Variants in HMMR observed in about 807,000 individuals in gnomAD.
HMMR encodes the protein hyaluronan mediated motility receptor.
A neutral mutation model predicts 101.0 loss-of-function variants in HMMR; 108 were observed. That is an observed-to-expected ratio of 1.07 (90% confidence interval 0.92 to 1.25). The LOEUF (loss-of-function observed/expected upper bound fraction) is 1.25. Ranked by LOEUF, HMMR falls within the 50% of genes most tolerant of loss-of-function variation. HMMR has a pLI of 0.00. For missense variants in HMMR, 813 were observed against 788.7 expected (o/e 1.03, Z -0.37); for synonymous variants, 296 against 276.4 (o/e 1.07, Z -0.70).
In HMMR at chr5:163,473,264, C is replaced by T; in HGVS notation, c.725+11C>T. On this transcript the variant is annotated intron_variant, in intron 8 of 17. Transcript: ENST00000393915. ...CATCGAAGAAATTAGGTAATATGAG[C>T]AGTAGCTTTAAATTGAACCTTATTT... 6.6e-7 allele frequency: 1 copy of T among 1,519,348 alleles called. No homozygotes were observed. Among genetic ancestry groups the T allele is most frequent in the Non-Finnish European group, 9.1e-7 (1 of 1,102,048 alleles). The allele number at this position is 1,519,348 out of a possible 1,614,324, so 94.1% of individuals were successfully genotyped here.
Position 163,470,140 on chromosome 5 carries a change from C to T in HMMR, c.462+311C>T, listed in dbSNP as rs532056708. On this transcript the variant is annotated intron_variant, in intron 5 of 17. Coordinates refer to ENST00000393915, the MANE Select transcript of HMMR (RefSeq NM_001142556.2). ...CTGACATGGCGCCATTGCACTTCAG[C>T]CTAGGCAAGAGAGTGCGACTCCATC... Among the ~76,000 whole-genome samples the T allele has an allele frequency of 2.6e-5, 4 of 152,208 alleles. No homozygotes were observed. In the South Asian group the frequency reaches 6.2e-4, roughly 24 times the overall value.
intron 12 of HMMR, among the ~76,000 whole-genome samples, chr5:163,481,741 T>C (rs1261082302): frequency 1.3e-5 from 2 of 152,154 alleles, no homozygotes; most frequent in African/African-American, 4.8e-5. Context: ...AAAAGAGATC[T>C]TGTGTCTTTC....
chr5:163,485,596 T>C (rs1759452135), intron 16 of HMMR, among the ~76,000 whole-genome samples: 1 of 152,226 alleles, frequency 6.6e-6, no homozygotes, highest in Admixed American at 6.5e-5. Flanking sequence ...TTTGCGAATA[T>C]CTTCTCCCAT....
In HMMR at chr5:163,483,022, T is replaced by C. The variant is rs1421420143; in HGVS notation, c.1535T>C (p.Met512Thr). The C allele has an allele frequency of 6.3e-7, 1 of 1,583,806 alleles. No individual in the cohort carries two copies. Residue 512 changes from methionine (M) to threonine (T), a missense_variant and splice_region_variant, in exon 14 of 18, where the codon ATG becomes ACG. Met to Thr is a moderately conservative substitution (Grantham distance 81). Transcript: ENST00000393915. Reference sequence around the variant, plus strand: ...ACCTCTTCTCTCTCAAACCAAAGGATGCTTCTAGATCTGCAGACCAAGTCA... The same window carrying C: ...ACCTCTTCTCTCTCAAACCAAAGGACGCTTCTAGATCTGCAGACCAAGTCA... ...TESSNQEYVR[M>T]LLDLQTKSAL...
At chr5:163,477,263 A>G (rs560915611) in intron 11 of HMMR, among the ~76,000 whole-genome samples, 2 of 152,346 alleles carry the variant, frequency 1.3e-5, no homozygotes, top group South Asian at 4.1e-4. Flanking sequence ...ATTTATTTAA[A>G]TTAAAAAGTC....
In HMMR at chr5:163,469,984, A is replaced by G. The variant is rs1758830546; in HGVS notation, c.462+155A>G. On this transcript the variant is annotated intron_variant, in intron 5 of 17. Transcript: ENST00000393915. Reference sequence around the variant, plus strand: ...GGAGTTCGAGACCAGCCTGACCAACATGGAGAAACCCTGTCTCTACTAAAA... The same window carrying G: ...GGAGTTCGAGACCAGCCTGACCAACGTGGAGAAACCCTGTCTCTACTAAAA... The G allele has an allele frequency of 7.8e-6, 4 of 511,862 alleles. No individual in the cohort carries two copies. The East Asian group carries it at 1.0e-4, about 13-fold the overall frequency. 31.7% of individuals were successfully genotyped at this position (511,862 alleles called of 1,614,324 possible).
chr5:163,470,527 G>A (rs113049701), intron 5 of HMMR, among the ~76,000 whole-genome samples: 43 of 152,126 alleles, frequency 2.8e-4, no homozygotes, highest in African/African-American at 1.0e-3. Flanking sequence ...GGAGGCTGAG[G>A]CATGAGAATA....
At chr5:163,474,252 A>G (rs1758999039) in intron 10 of HMMR, 47 bp downstream of exon 10, 2 of 1,440,110 alleles carry the variant, frequency 1.4e-6, no homozygotes, top group African/African-American at 1.4e-5. Flanking sequence ...TGTGTCATAC[A>G]TTTCCCTATG....
At chr5:163,478,648 G>A (rs1251765188) in intron 11 of HMMR, 36 bp from the exon 12 acceptor site, 4 of 1,195,204 alleles carry the variant, frequency 3.3e-6, no homozygotes, top group Non-Finnish European at 3.8e-6. Context: ...GTAATTGTAG[G>A]TGGCATTTTA....
rs1392215260 is a variant in HMMR at position 163,483,266 on chromosome 5, A to G, written c.1686-2A>G. The G allele has an allele frequency of 6.2e-7, 1 of 1,606,576 alleles. No individual in the cohort carries two copies. Among genetic ancestry groups the G allele is most frequent in the Non-Finnish European group, 8.5e-7 (1 of 1,174,666 alleles). On this transcript the variant is annotated splice_acceptor_variant, in intron 14 of 17. Coordinates refer to ENST00000393915, the MANE Select transcript of HMMR (RefSeq NM_001142556.2). LOFTEE classifies it high-confidence loss of function. ...TTTTCTCAATTTAATTCTTCCATGC[A>G]GAAAAGCTGAAAAAGAAAATACAAC...
chr5:163,463,855 G>A lies in HMMR; in HGVS notation c.47-1G>A. 7.4e-7 allele frequency: 1 copy of A among 1,347,982 alleles called. No individual in the cohort carries two copies. Among genetic ancestry groups the A allele is most frequent in the African/African-American group, 1.5e-5 (1 of 65,696 alleles). 83.5% of individuals were successfully genotyped at this position (1,347,982 alleles called of 1,614,324 possible). A position where few individuals can be genotyped will look rare whatever the true frequency, so the allele number is the denominator to read the frequency against. On this transcript the variant is annotated splice_acceptor_variant, in intron 1 of 17. Transcript: ENST00000393915. LOFTEE classifies it high-confidence loss of function. ...ATATTAATGTTTTCTATTTCCTCTA[G>A]GTTGTGCACCATCTCCAGGTGCTTA...
chr5:163,483,142 T>G lies in HMMR; in HGVS notation c.1655T>G (p.Phe552Cys), dbSNP rs772927239. The G allele has an allele frequency of 3.7e-6, 6 of 1,611,758 alleles. No individual in the cohort carries two copies. Among genetic ancestry groups the G allele is most frequent in the African/African-American group, 1.3e-5 (1 of 74,622 alleles). The change falls in exon 14 of 18, where the codon TTT (phenylalanine) becomes TGT (cysteine). Residue 552 changes from phenylalanine to cysteine, a missense_variant. Physicochemically the swap from Phe to Cys is radical, Grantham distance 205. Transcript: ENST00000393915. ...QNQLKQQEEDFRKQLEDEEGR... is the reference protein window; with the variant it reads ...QNQLKQQEEDCRKQLEDEEGR... ...CAACTCAAGCAACAGGAGGAAGACT[T>G]TAGAAAACAGCTGGAAGATGAAGAA...
chr5:163,490,135 T>C (rs959141095), intron 16 of HMMR, among the ~76,000 whole-genome samples: 1 of 152,194 alleles, frequency 6.6e-6, no homozygotes, highest in Non-Finnish European at 1.5e-5. Context: ...CAATTACTTT[T>C]GAGTTGAACT....
chr5:163,472,820 G>T (rs1758939327), intron 7 of HMMR, among the ~76,000 whole-genome samples: 1 of 152,174 alleles, frequency 6.6e-6, no homozygotes, highest in Admixed American at 6.5e-5. Context: ...AGACCAGGTA[G>T]TCTGGGACAA....
rs1758963471 is a variant in HMMR, at chr5:163,473,454, T to C, written c.801T>C (p.Asp267=). ...AAGAAAATTTGAAAGAGAAGAATGA[T>C]GAAATTTTAAGCCTTAAGCAGTCTC... The part of the protein sequence containing the change: ...QLEENLKEKN[D]EILSLKQSLE... Residue 267 remains aspartate (D), a synonymous_variant, in exon 9 of 18, where the codon GAT becomes GAC. Coordinates refer to ENST00000393915, the MANE Select transcript of HMMR (RefSeq NM_001142556.2). 1.2e-6 allele frequency: 2 copies of C among 1,608,478 alleles called. No homozygotes were observed. Among genetic ancestry groups the C allele is most frequent in the African/African-American group, 1.3e-5 (1 of 74,776 alleles).
intron 16 of HMMR, among the ~76,000 whole-genome samples, chr5:163,486,714 G>C (rs757442642): frequency 6.6e-6 from 1 of 152,168 alleles, no homozygotes; most frequent in Non-Finnish European, 1.5e-5. Context: ...TGATCTAGGG[G>C]GAAAGCATTC....
At position 163,480,990 on chromosome 5, in the gene HMMR, C is replaced by T. The variant is rs562177597; in HGVS notation, c.1386-1652C>T. 5.3e-5 allele frequency among the ~76,000 whole-genome samples: 8 copies of T among 152,058 alleles called. No individual in the cohort carries two copies. The East Asian group carries it at 1.5e-3, about 29-fold the overall frequency. On this transcript the variant is annotated intron_variant, in intron 12 of 17. Coordinates refer to ENST00000393915, the MANE Select transcript of HMMR (RefSeq NM_001142556.2). ...ACTTTTGCTTCTCATTTAAGAACTTCTTTCTATCTCAAGGTGTAAAGATAT... is the reference window on the plus strand; with the variant it reads ...ACTTTTGCTTCTCATTTAAGAACTTTTTTCTATCTCAAGGTGTAAAGATAT...
intron 3 of HMMR, among the ~76,000 whole-genome samples, chr5:163,466,391 G>A (rs972559710): frequency 6.6e-5 from 10 of 152,344 alleles, no homozygotes; most frequent in East Asian, 3.9e-4. Flanking sequence ...CTCATATTCT[G>A]TAATATAGAG....
intron 5 of HMMR, 125 bp from the exon 6 acceptor site, chr5:163,471,060 C>G: frequency 1.6e-6 from 1 of 643,182 alleles, no homozygotes; most frequent in Non-Finnish European, 2.7e-6. Flanking sequence ...ACTGTTCTCT[C>G]TACCAAAGTA....
Sources: allele counts gnomAD v4.1 joint callset (sites outside exome capture counted in the v4.1 genomes callset), GRCh38; gene constraint gnomAD v4.1.1; transcripts MANE v1.5; gene names NCBI Gene and HGNC (gene_info 2026-07-23, HGNC 2026-07-21).